FHAD1: variants seen among roughly 807,000 people sequenced by gnomAD.
FHAD1 encodes the protein forkhead associated phosphopeptide binding domain 1, also known as forkhead-associated domain-containing protein 1.
In FHAD1, 146 loss-of-function variants were observed where a neutral mutation model predicts 191.3. The ratio of observed to expected loss-of-function variants is 0.76; its 90% CI spans 0.67 to 0.88. The LOEUF (loss-of-function observed/expected upper bound fraction) is 0.88, where lower values mean the gene tolerates loss of function less well. Among genes scored for constraint, FHAD1 ranks in the 40% least tolerant of loss-of-function variants. The pLI, the probability that FHAD1 is intolerant of heterozygous loss-of-function variation, is 0.00. For synonymous variants in FHAD1, 616 were observed against 672.3 expected (o/e 0.92, Z 1.29); for missense variants, 1,635 against 1,785.8 (o/e 0.92, Z 1.52).
rs373103550 is a variant in FHAD1, at chr1:15,341,361, C to T, written c.1978-375C>T. On this transcript the variant is annotated intron_variant, in intron 15 of 33. Transcript: ENST00000688493. ...TGAAGAATCAAGACAAATGTTCAAG[C>T]GTCCTGGCTCCTACATGACTGCTTT... is the stretch of plus-strand genomic sequence containing the variant. 4.5e-4 allele frequency among the ~76,000 whole-genome samples: 69 copies of T among 152,320 alleles called. No homozygotes were observed. In the East Asian group the frequency reaches 8.9e-3, roughly 20 times the overall value.
At chr1:15,294,744 G>A (rs932450285) in intron 4 of FHAD1, among the ~76,000 whole-genome samples, 4 of 152,020 alleles carry the variant, frequency 2.6e-5, no homozygotes, top group South Asian at 2.1e-4. Flanking sequence ...CTACCCACTC[G>A]ATGCTCTCAG....
chr1:15,242,163 G>A (rs1645458738), intron 1 of FHAD1, among the ~76,000 whole-genome samples: 1 of 151,208 alleles, frequency 6.6e-6, no homozygotes, highest in Admixed American at 6.6e-5. Flanking sequence ...AACCCGGGAG[G>A]AGGAGGTTGC....
intron 5 of FHAD1, among the ~76,000 whole-genome samples, chr1:15,299,196 T>C (rs2100838532): frequency 1.3e-5 from 1 of 76,272 alleles, no homozygotes; most frequent in African/African-American, 1.7e-4. Flanking sequence ...CAAGACCCTG[T>C]CTCAAAAAAA....
At position 15,389,512 on chromosome 1, in the gene FHAD1, C is replaced by T. The variant is rs993231869; in HGVS notation, c.4269+1381C>T. On this transcript the variant is annotated intron_variant, in intron 32 of 33. Coordinates refer to ENST00000688493, the MANE Select transcript of FHAD1 (RefSeq NM_001391957.1). ...AGGGAAGAGAGGTTTAAAACCATTG[C>T]TTGACAATACCTGAAATGATGGCTC... is the stretch of plus-strand genomic sequence containing the variant. Among the ~76,000 whole-genome samples the T allele has an allele frequency of 8.9e-5, 13 of 146,396 alleles. No homozygotes were observed. In the East Asian group the frequency reaches 1.8e-3, roughly 20 times the overall value.
chr1:15,277,940 T>A (rs78682211), intron 3 of FHAD1, among the ~76,000 whole-genome samples: 2 of 152,178 alleles, frequency 1.3e-5, no homozygotes, highest in Non-Finnish European at 2.9e-5. Context: ...TCTCGCAAAG[T>A]AAGAAGTATC....
rs115724460 is a variant in FHAD1, at chr1:15,395,330, G to A, written c.4324-1967G>A. 1.8e-3 allele frequency among the ~76,000 whole-genome samples: 267 copies of A among 148,932 alleles called. 1 individual carries two copies. The highest frequency in any genetic ancestry group is 5.9e-3 in the African/African-American group (235 of 39,922). Reference sequence around the variant, plus strand: ...CTCAAAAAAAAAAAAAAAAAGCTACGGGAGAGAACTAGGAGGATAGCCCAG... The same window carrying A: ...CTCAAAAAAAAAAAAAAAAAGCTACAGGAGAGAACTAGGAGGATAGCCCAG... On this transcript the variant is annotated intron_variant, in intron 33 of 33. Transcript: ENST00000688493.
intron 10 of FHAD1, among the ~76,000 whole-genome samples, chr1:15,323,627 T>C (rs1677119737): frequency 6.6e-6 from 1 of 152,176 alleles, no homozygotes; most frequent in Non-Finnish European, 1.5e-5. Context: ...GTTTGTCTCA[T>C]TTCCTGCAAG....
intron 3 of FHAD1, among the ~76,000 whole-genome samples, chr1:15,285,614 A>G (rs1396500196): frequency 1.3e-5 from 2 of 152,082 alleles, no homozygotes; most frequent in East Asian, 1.9e-4. Flanking sequence ...CTGCATTTAC[A>G]CATCATGCAC....
chr1:15,310,135 G>A (rs533633594), intron 7 of FHAD1, among the ~76,000 whole-genome samples: 8 of 152,222 alleles, frequency 5.3e-5, no homozygotes, highest in Non-Finnish European at 7.3e-5. Flanking sequence ...AGAAAAGCAG[G>A]TGGTGGAGAG....
At chr1:15,336,895 C>G (rs1684370888) in intron 14 of FHAD1, among the ~76,000 whole-genome samples, 1 of 152,252 alleles carries the variant, frequency 6.6e-6, no homozygotes. Flanking sequence ...TCCATTCATT[C>G]CCAGCAGCCC....
At position 15,329,073 on chromosome 1, in the gene FHAD1, C is replaced by T; in HGVS notation, c.1711-273C>T. 3.5e-6 allele frequency: 1 copy of T among 286,674 alleles called. No individual in the cohort carries two copies. Among genetic ancestry groups the T allele is most frequent in the Non-Finnish European group, 6.4e-6 (1 of 155,312 alleles). 17.8% of individuals were successfully genotyped at this position (286,674 alleles called of 1,614,324 possible). A position where few individuals can be genotyped will look rare whatever the true frequency, so the allele number is the denominator to read the frequency against. ...AAGTAGCCACATTTGCTTCTCATTG[C>T]AGCCAAACTGTTGATGGTACTTTGG... On this transcript the variant is annotated intron_variant, in intron 13 of 33. Coordinates refer to ENST00000688493, the MANE Select transcript of FHAD1 (RefSeq NM_001391957.1). The surrounding 1 kb of genome is among the most constrained non-coding windows in gnomAD (Gnocchi z 5.0).
rs762429170 is a variant in FHAD1 at position 15,374,507 on chromosome 1, A to G, written c.3453A>G (p.Gln1151=). ...TEAFSSSQEQ[Q]SFSDLGVRCK... ...CCGCCCCATTCTGCCCACAGCAGCA[A>G]TCCTTCAGCGATCTAGGGGTCAGGT... is the stretch of plus-strand genomic sequence containing the variant. Residue 1151 remains glutamine, a synonymous_variant, in exon 27 of 34, where the codon CAA becomes CAG. Transcript: ENST00000688493. 317 of 1,551,816 alleles carry G rather than the reference A, an allele frequency of 2.0e-4. 3 individuals carry two copies. The South Asian group carries it at 3.6e-3, about 18-fold the overall frequency.
intron 21 of FHAD1, among the ~76,000 whole-genome samples, chr1:15,359,355 G>A (rs1218808118): frequency 6.6e-6 from 1 of 152,090 alleles, no homozygotes; most frequent in Admixed American, 6.6e-5. Context: ...GAATGTATCT[G>A]TCATGGGTAG....
chr1:15,259,937 G>C (rs915295811), intron 2 of FHAD1, among the ~76,000 whole-genome samples: 3 of 152,192 alleles, frequency 2.0e-5, no homozygotes, highest in African/African-American at 7.2e-5. Flanking sequence ...GTTGCTTGAA[G>C]CACTTGGCAT....
At chr1:15,236,581 C>T (rs902822504) in exon 1 of FHAD1, among the ~76,000 whole-genome samples, 3 of 152,358 alleles carry the variant, frequency 2.0e-5, no homozygotes, top group Non-Finnish European at 2.9e-5. Flanking sequence ...AATTCTCTCT[C>T]ATCCCCTTGG....
rs115241200 is a variant in FHAD1 at position 15,367,076 on chromosome 1, G to A, written c.3155-387G>A. Among the ~76,000 whole-genome samples the A allele has an allele frequency of 9.7e-3, 1,482 of 152,314 alleles. 19 individuals are homozygous for A. The highest frequency in any genetic ancestry group is 0.033 in the African/African-American group (1,359 of 41,568). On this transcript the variant is annotated intron_variant, in intron 24 of 33. Coordinates refer to ENST00000688493, the MANE Select transcript of FHAD1 (RefSeq NM_001391957.1). ...TTTTTTTGTAATAAGATATGAGAAAGTGTGGGGTAGAGGCTACAATGCCAA... is the reference window on the plus strand; with the variant it reads ...TTTTTTTGTAATAAGATATGAGAAAATGTGGGGTAGAGGCTACAATGCCAA...
intron 14 of FHAD1, among the ~76,000 whole-genome samples, chr1:15,332,023 C>A (rs942988706): frequency 2.6e-5 from 4 of 152,160 alleles, no homozygotes; most frequent in Non-Finnish European, 1.5e-5. Context: ...ATTCTTTCCA[C>A]AATGAATAAG....
chr1:15,348,340 G>A (rs1364522657), intron 18 of FHAD1, among the ~76,000 whole-genome samples: 1 of 152,210 alleles, frequency 6.6e-6, no homozygotes, highest in Non-Finnish European at 1.5e-5. Flanking sequence ...AAGACAAGCC[G>A]TTAGAAAATA....
chr1:15,381,570 T>G lies in FHAD1; in HGVS notation c.4022+119T>G. ...GGAGGACAGAGACCCACGTGTGGAA[T>G]ACCTGCAATGTCAGAAGGGGACCAG... On this transcript the variant is annotated intron_variant, in intron 30 of 33. Transcript: ENST00000688493. The surrounding 1 kb of genome is among the most constrained non-coding windows in gnomAD (Gnocchi z 4.6). 1 of 724,704 alleles carries G rather than the reference T, an allele frequency of 1.4e-6. No homozygotes were observed. The highest frequency in any genetic ancestry group is 2.3e-6 in the Non-Finnish European group (1 of 433,230). 44.9% of individuals were successfully genotyped at this position (724,704 alleles called of 1,614,324 possible).
Sources: allele counts gnomAD v4.1 joint callset (sites outside exome capture counted in the v4.1 genomes callset), GRCh38; gene constraint gnomAD v4.1.1; non-coding constraint Gnocchi (gnomAD v3.1); transcripts MANE v1.5; gene names NCBI Gene and HGNC (gene_info 2026-07-23, HGNC 2026-07-21).